The following CDC42SE2 variants were observed in gnomAD, a reference collection of about 807,000 sequenced individuals.
The protein encoded by CDC42SE2 is CDC42 small effector protein 2.
In CDC42SE2, 3 loss-of-function variants were observed where a neutral mutation model predicts 11.5. The ratio of observed to expected loss-of-function variants is 0.26; its 90% confidence interval spans 0.12 to 0.67. The LOEUF (loss-of-function observed/expected upper bound fraction) is 0.67. Ranked by LOEUF, CDC42SE2 falls within the 30% of genes least tolerant of loss-of-function variation. The pLI is 0.80. For missense variants in CDC42SE2, 82 were observed against 106.8 expected (o/e 0.77, Z 1.02); for synonymous variants, 33 against 34.8 (o/e 0.95, Z 0.18).
At chr5:131,317,472 A>T (rs1314145118) in intron 2 of CDC42SE2, among the ~76,000 whole-genome samples, 1 of 152,150 alleles carries the variant, frequency 6.6e-6, no homozygotes, top group Non-Finnish European at 1.5e-5. Flanking sequence ...TCACAGAAAG[A>T]TTCCCTAAAG....
rs975945856 is a variant in CDC42SE2 at position 131,393,794 on chromosome 5, T to G, written c.*2703T>G. The G allele has an allele frequency of 6.6e-6, 1 of 152,192 alleles. No homozygotes were observed. Among genetic ancestry groups the G allele is most frequent in the Non-Finnish European group, 1.5e-5 (1 of 68,026 alleles). 9.4% of individuals were successfully genotyped at this position (152,192 alleles called of 1,614,324 possible). On this transcript the variant is annotated 3_prime_UTR_variant, in exon 5 of 5. Transcript: ENST00000505065. ...CGTGATCCTTTTCCCTGACTCATGA[T>G]TTTAGTCTTTTTCCAAATCGCTGTT...
chr5:131,232,974 G>T, the CDC42SE2 span, among the ~76,000 whole-genome samples: 1 of 151,354 alleles, frequency 6.6e-6, no homozygotes, highest in Non-Finnish European at 1.5e-5. Flanking sequence ...CTACAAAAAG[G>T]TGTACAGTGG....
intron 1 of CDC42SE2, among the ~76,000 whole-genome samples, chr5:131,283,648 C>T (rs1561571612): frequency 6.6e-6 from 1 of 151,986 alleles, no homozygotes; most frequent in Non-Finnish European, 1.5e-5. Context: ...CCTGTGCCAC[C>T]ATGCCTGGCT....
chr5:131,381,484 G>T (rs976492000), intron 3 of CDC42SE2, among the ~76,000 whole-genome samples: 1 of 152,012 alleles, frequency 6.6e-6, no homozygotes, highest in Non-Finnish European at 1.5e-5. Flanking sequence ...TACCACGCCT[G>T]GCTAATTTTT....
At chr5:131,322,851 G>T (rs1183526075) in intron 2 of CDC42SE2, among the ~76,000 whole-genome samples, 1 of 152,048 alleles carries the variant, frequency 6.6e-6, no homozygotes, top group Admixed American at 6.6e-5. Flanking sequence ...ATATTTTGGG[G>T]ACCTGTCATA....
intron 2 of CDC42SE2, among the ~76,000 whole-genome samples, chr5:131,319,245 A>T (rs940063084): frequency 6.6e-6 from 1 of 152,060 alleles, no homozygotes; most frequent in Non-Finnish European, 1.5e-5. Flanking sequence ...GCCTCACTTC[A>T]TTCTGGTTTT....
upstream of CDC42SE2, chr5:131,261,315 T>C (rs1756723527): frequency 6.6e-6 from 1 of 152,232 alleles, no homozygotes; most frequent in African/African-American, 2.4e-5. Context: ...CACAGATACA[T>C]CATAATGACT....
intron 1 of CDC42SE2, among the ~76,000 whole-genome samples, chr5:131,301,041 A>G (rs1415199526): frequency 2.0e-5 from 3 of 152,230 alleles, no homozygotes; most frequent in African/African-American, 2.4e-5. Context: ...TAACCTCCCA[A>G]CAATTCTCTG....
chr5:131,332,236 C>T (rs1034322221), intron 2 of CDC42SE2, among the ~76,000 whole-genome samples: 39 of 152,018 alleles, frequency 2.6e-4, no homozygotes, highest in African/African-American at 8.0e-4. Context: ...TTTGTCCTTG[C>T]GATAGTTTGC....
intron 2 of CDC42SE2, among the ~76,000 whole-genome samples, chr5:131,256,891 T>G (rs1055817450): frequency 3.3e-5 from 5 of 152,242 alleles, no homozygotes; most frequent in African/African-American, 4.8e-5. Flanking sequence ...TCTCCTTATG[T>G]TAAGGTCAAC....
At chr5:131,339,813 A>T (rs1171407541) in intron 2 of CDC42SE2, among the ~76,000 whole-genome samples, 1 of 150,210 alleles carries the variant, frequency 6.7e-6, no homozygotes, top group Non-Finnish European at 1.5e-5. Context: ...CCATCTCAAA[A>T]AAAAAAAAAA....
intron 1 of CDC42SE2, among the ~76,000 whole-genome samples, chr5:131,268,432 G>A (rs1756917795): frequency 7.0e-6 from 1 of 143,838 alleles, no homozygotes; most frequent in Non-Finnish European, 1.5e-5. Flanking sequence ...CATACTACCT[G>A]GGAAAACTTG....
chr5:131,247,401 G>A (rs758163345), intron 1 of CDC42SE2, among the ~76,000 whole-genome samples: 3 of 152,052 alleles, frequency 2.0e-5, no homozygotes, highest in Non-Finnish European at 4.4e-5. Flanking sequence ...AGTGGATCAC[G>A]AGGTCAGGAG....
In CDC42SE2 at chr5:131,343,785, A is replaced by G. The variant is rs113995735; in HGVS notation, c.-285-15424A>G. ...ATAAAGAAGAAGAGTGGGAGGAGAA[A>G]GAGGAAGATTATTAAAGAGAGGGAA... On this transcript the variant is annotated intron_variant, in intron 2 of 4. Transcript: ENST00000505065. 6.2e-3 allele frequency among the ~76,000 whole-genome samples: 942 copies of G among 152,214 alleles called. 11 individuals are homozygous for G. The Middle Eastern group carries it at 0.075, about 12-fold the overall frequency.
intron 1 of CDC42SE2, among the ~76,000 whole-genome samples, chr5:131,271,621 G>A (rs1288396502): frequency 6.6e-6 from 1 of 152,104 alleles, no homozygotes; most frequent in Non-Finnish European, 1.5e-5. Flanking sequence ...GGATACCGAG[G>A]GATGGCTGTA....
intron 1 of CDC42SE2, among the ~76,000 whole-genome samples, chr5:131,312,845 C>T (rs1163742355): frequency 2.0e-5 from 3 of 152,194 alleles, no homozygotes; most frequent in Admixed American, 1.3e-4. Context: ...CGATCTGGCT[C>T]TCCCTAGTGA....
intron 1 of CDC42SE2, among the ~76,000 whole-genome samples, chr5:131,278,802 T>C (rs1193545623): frequency 1.3e-5 from 1 of 78,880 alleles, no homozygotes; most frequent in Middle Eastern, 5.2e-3. Context: ...TTTTTTTTTT[T>C]TAAAGACAGA....
chr5:131,279,405 A>G (rs924640277), intron 1 of CDC42SE2, among the ~76,000 whole-genome samples: 1 of 152,110 alleles, frequency 6.6e-6, no homozygotes, highest in African/African-American at 2.4e-5. Context: ...TTTCTGGTCA[A>G]GAAAGCAGAA....
At chr5:131,363,541 T>C (rs774166276) in intron 3 of CDC42SE2, among the ~76,000 whole-genome samples, 1 of 151,736 alleles carries the variant, frequency 6.6e-6, no homozygotes, top group Non-Finnish European at 1.5e-5. Flanking sequence ...CATGCCCAGC[T>C]AATTTTTGTA....
Sources: gnomAD v4.1 joint callset for allele counts (sites outside exome capture counted in the v4.1 genomes callset) on GRCh38, gnomAD v4.1.1 for gene constraint, MANE v1.5 for transcripts, NCBI Gene and HGNC (gene_info 2026-07-23, HGNC 2026-07-21) for gene names.